Variants in TAC4 observed in about 807,000 individuals in gnomAD.
TAC4 encodes tachykinin-4.
In TAC4, 17 loss-of-function variants were observed where a neutral mutation model predicts 17.7. The observed-to-expected ratio is 0.96, with a 90% CI of 0.66 to 1.44. The LOEUF is 1.44. Ranked by LOEUF, TAC4 falls within the 40% of genes most tolerant of loss-of-function variation. TAC4 has a pLI of 0.00. For missense variants in TAC4, 118 were observed against 125.6 expected, an observed-to-expected ratio of 0.94 and a Z score of 0.29; for synonymous variants, 62 against 52.4, an observed-to-expected ratio of 1.18 and a Z score of -0.79.
intron 1 of TAC4, among the ~76,000 whole-genome samples, chr17:49,845,150 C>T (rs2074528559): frequency 6.6e-6 from 1 of 152,240 alleles, no homozygotes; most frequent in South Asian, 2.1e-4. Flanking sequence ...CCTCTCTTCC[C>T]CAGGCACTTC....
chr17:49,838,549 A>G lies in TAC4; in HGVS notation c.*93T>C. Reference sequence around the variant, plus strand: ...TGCCAGCGATGAGGACAGGAGACACAGAGAAGAGAGTTGGCCTGCCGGCTT... The same window carrying G: ...TGCCAGCGATGAGGACAGGAGACACGGAGAAGAGAGTTGGCCTGCCGGCTT... On this transcript the variant is annotated 3_prime_UTR_variant, in exon 5 of 5. Transcript: ENST00000436235. 1 of 1,500,662 alleles carries G rather than the reference A, an allele frequency of 6.7e-7. No homozygotes were observed. Among genetic ancestry groups the G allele is most frequent in the Non-Finnish European group, 9.3e-7 (1 of 1,078,622 alleles). 93.0% of individuals were successfully genotyped at this position (1,500,662 alleles called of 1,614,324 possible). A position where few individuals can be genotyped will look rare whatever the true frequency, so the allele number is the denominator to read the frequency against.
Position 49,841,584 on chromosome 17 carries a change from C to T in TAC4, c.200G>A (p.Gly67Glu). ...TCTCCTTGGCTGGATCAGAGGTCTT[C>T]CTGGGGGAAGGAGAAGGAATGAGGA... ...FFGLMGKRVG[G>E]RPLIQPRRKK... The change falls in exon 3 of 5, where the codon GGA becomes GAA. Residue 67 changes from glycine to glutamate, a missense_variant and splice_region_variant. Physicochemically the swap from Gly to Glu is moderately conservative, Grantham distance 98. Transcript: ENST00000436235. 2 of 1,572,784 alleles carry T rather than the reference C, an allele frequency of 1.3e-6. No homozygotes were observed. The highest frequency in any genetic ancestry group is 3.4e-4 in the Middle Eastern group (2 of 5,920).
At chr17:49,843,505 G>C (rs1408781999) in intron 2 of TAC4, among the ~76,000 whole-genome samples, 1 of 150,176 alleles carries the variant, frequency 6.7e-6, no homozygotes, top group Non-Finnish European at 1.5e-5. Flanking sequence ...CCACCCTTCA[G>C]GTGCCCGTGC....
At chr17:49,841,110 T>G (rs2144037138) in intron 3 of TAC4, among the ~76,000 whole-genome samples, 1 of 152,042 alleles carries the variant, frequency 6.6e-6, no homozygotes, top group South Asian at 2.1e-4. Flanking sequence ...GGTCTCGAAC[T>G]CCTGACCTCA....
At chr17:49,840,866 T>G (rs1184105990) in intron 3 of TAC4, among the ~76,000 whole-genome samples, 2 of 150,478 alleles carry the variant, frequency 1.3e-5, no homozygotes, top group Admixed American at 1.3e-4. Context: ...TTAAGCAGAG[T>G]AGTGGCTTCT....
intron 4 of TAC4, among the ~76,000 whole-genome samples, chr17:49,839,609 G>C (rs796432816): frequency 5.9e-5 from 9 of 152,314 alleles, no homozygotes; most frequent in African/African-American, 2.2e-4. Context: ...GGGCAGGGGT[G>C]GGGGCAGGGC....
intron 1 of TAC4, among the ~76,000 whole-genome samples, chr17:49,845,505 A>G (rs757315419): frequency 3.3e-5 from 5 of 152,214 alleles, no homozygotes; most frequent in Non-Finnish European, 7.3e-5. Flanking sequence ...TGAGCCTTGC[A>G]CACATAGGAG....
At chr17:49,847,654 TTAAA>T (rs1197273253) in intron 1 of TAC4, 7 of 481,660 alleles carry the variant, frequency 1.5e-5, no homozygotes, top group East Asian at 4.1e-5. Flanking sequence ...ATACCGTGTG[TTAAA>T]TAAGTATTTC....
intron 2 of TAC4, 127 bp downstream of exon 2, chr17:49,843,937 T>G: frequency 5.1e-6 from 4 of 787,498 alleles, no homozygotes; most frequent in Non-Finnish European, 8.8e-6. Flanking sequence ...CCCCATCTCA[T>G]GAGCGACCCC....
chr17:49,843,776 T>C lies in TAC4; in HGVS notation c.199+288A>G, dbSNP rs543309885. Among the ~76,000 whole-genome samples, 6 of 152,292 alleles carry C rather than the reference T, an allele frequency of 3.9e-5. No individual in the cohort carries two copies. In the South Asian group the frequency reaches 1.0e-3, roughly 26 times the overall value. ...GTCTGTCTAATTTTTGTATTTTTAATAGAGATGGGGTTTCACCATGTTGGT... is the reference window on the plus strand; with the variant it reads ...GTCTGTCTAATTTTTGTATTTTTAACAGAGATGGGGTTTCACCATGTTGGT... On this transcript the variant is annotated intron_variant, in intron 2 of 4. Transcript: ENST00000436235.
chr17:49,847,776 A>C, intron 1 of TAC4, 137 bp downstream of exon 1: 1 of 1,472,908 alleles, frequency 6.8e-7, no homozygotes, highest in Non-Finnish European at 9.3e-7. Context: ...TACCCATGGT[A>C]GAGAGTCAGA....
chr17:49,838,781 C>A, intron 4 of TAC4, 108 bp from the exon 5 acceptor site: 1 of 1,105,466 alleles, frequency 9.0e-7, no homozygotes, highest in South Asian at 1.5e-5. Context: ...CTTCCTAACC[C>A]CTCTCTCCTT....
At chr17:49,839,080 T>C (rs571515827) in intron 4 of TAC4, among the ~76,000 whole-genome samples, 2 of 152,280 alleles carry the variant, frequency 1.3e-5, no homozygotes, top group South Asian at 2.1e-4. Flanking sequence ...ACACCATGCA[T>C]GGAGGAACAT....
chr17:49,841,302 A>G (rs899108524), intron 3 of TAC4, among the ~76,000 whole-genome samples: 1 of 148,380 alleles, frequency 6.7e-6, no homozygotes, highest in African/African-American at 2.5e-5. Context: ...TAATTTTGAA[A>G]CGCTGGTCGA....
At chr17:49,847,009 A>T in intron 1 of TAC4, 1 of 1,290,070 alleles carries the variant, frequency 7.8e-7, no homozygotes, top group Non-Finnish European at 1.0e-6. Flanking sequence ...CTCACTGCAC[A>T]CACTTCCAGG....
chr17:49,841,587 G>C lies in TAC4; in HGVS notation c.200-3C>G, dbSNP rs747207031. 1 of 1,571,696 alleles carries C rather than the reference G, an allele frequency of 6.4e-7. No individual in the cohort carries two copies. The highest frequency in any genetic ancestry group is 2.5e-5 in the East Asian group (1 of 40,540). On this transcript the variant is annotated splice_region_variant and splice_polypyrimidine_tract_variant and intron_variant, in intron 2 of 4. Coordinates refer to ENST00000436235, the MANE Select transcript of TAC4 (RefSeq NM_001077506.2). ...CCTTGGCTGGATCAGAGGTCTTCCT[G>C]GGGGAAGGAGAAGGAATGAGGACTA...
chr17:49,844,600 A>G (rs1287938362), intron 1 of TAC4, among the ~76,000 whole-genome samples: 1 of 152,190 alleles, frequency 6.6e-6, no homozygotes, highest in East Asian at 1.9e-4. Flanking sequence ...TCTAATAAAA[A>G]TACAAAAATT....
At position 49,841,574 on chromosome 17, in the gene TAC4, C is replaced by G; in HGVS notation, c.210G>C (p.Leu70=). The G allele has an allele frequency of 6.3e-7, 1 of 1,576,440 alleles. No homozygotes were observed. The highest frequency in any genetic ancestry group is 8.6e-7 in the Non-Finnish European group (1 of 1,162,246). ...TACCTTTTTTTCTCCTTGGCTGGAT[C>G]AGAGGTCTTCCTGGGGGAAGGAGAA... The part of the protein sequence containing the change: ...LMGKRVGGRP[L]IQPRRKKAYQ... The change falls in exon 3 of 5, where the codon CTG becomes CTC. Residue 70 remains leucine (L), a synonymous_variant. Transcript: ENST00000436235.
chr17:49,844,006 T>C, intron 2 of TAC4, 58 bp downstream of exon 2: 1 of 1,528,424 alleles, frequency 6.5e-7, no homozygotes, highest in Non-Finnish European at 9.1e-7. Context: ...CTCTGCTTTA[T>C]GTTGCAGAAC....
Sources: allele counts gnomAD v4.1 joint callset (sites outside exome capture counted in the v4.1 genomes callset), GRCh38; gene constraint gnomAD v4.1.1; transcripts MANE v1.5; gene names NCBI Gene and HGNC (gene_info 2026-07-23, HGNC 2026-07-21).